NBAS: variants seen among roughly 807,000 people sequenced by gnomAD.
The protein encoded by NBAS is NBAS subunit of NRZ tethering complex.
Under a neutral mutation model 302.5 loss-of-function variants are expected in NBAS, and 219 were observed. The ratio of observed to expected loss-of-function variants is 0.72; its 90% CI spans 0.65 to 0.81. NBAS has a LOEUF of 0.81. Ranked by LOEUF, NBAS falls within the 30% of genes least tolerant of loss-of-function variation. The probability of loss-of-function intolerance (pLI) is 0.00; values close to 1 mark genes in which losing one functional copy is unlikely to be tolerated. For synonymous variants in NBAS, 1,118 were observed against 1,021.6 expected, an observed-to-expected ratio of 1.09 and a Z score of -1.80; for missense variants, 2,932 against 2,841.6, an observed-to-expected ratio of 1.03 and a Z score of -0.72.
At chr2:15,392,257 A>G (rs1278358042) in intron 28 of NBAS, among the ~76,000 whole-genome samples, 1 of 151,898 alleles carries the variant, frequency 6.6e-6, no homozygotes, top group African/African-American at 2.4e-5. Flanking sequence ...CAACAAAAAA[A>G]AAAGCTTGGA....
At chr2:15,214,544 G>C (rs1666567743) in intron 48 of NBAS, among the ~76,000 whole-genome samples, 1 of 152,282 alleles carries the variant, frequency 6.6e-6, no homozygotes, top group African/African-American at 2.4e-5. Flanking sequence ...CTAGTTCTAG[G>C]AATCTGTGAT....
rs775111492 is a variant in NBAS at position 15,186,859 on chromosome 2, C to T, written c.6594G>A (p.Val2198=). 3.7e-6 allele frequency: 6 copies of T among 1,613,856 alleles called. No homozygotes were observed. In the East Asian group the frequency reaches 1.3e-4, roughly 36 times the overall value. The part of the protein sequence containing the change: ...SEYVITNNPW[V]RLATVMLTRC... ...TGGTTAGCATCACTGTAGCTAGTCT[C>T]ACCCATGGATTATTGGTTATGCTGG... The change falls in exon 50 of 52, where the codon GTG becomes GTA. Residue 2198 remains valine (V), a synonymous_variant. Coordinates refer to ENST00000281513, the MANE Select transcript of NBAS (RefSeq NM_015909.4).
chr2:14,843,818 G>A, the NBAS span, among the ~76,000 whole-genome samples: 21 of 152,228 alleles, frequency 1.4e-4, no homozygotes, highest in African/African-American at 4.1e-4. Context: ...CTATCACAGC[G>A]GAAAGCAAAA....
chr2:15,244,167 A>G (rs896522888), intron 44 of NBAS, among the ~76,000 whole-genome samples: 2 of 152,248 alleles, frequency 1.3e-5, no homozygotes, highest in Admixed American at 6.5e-5. Context: ...CTACGGGCAC[A>G]TGACACTAAC....
the NBAS span, among the ~76,000 whole-genome samples, chr2:14,951,646 A>G: frequency 6.6e-6 from 1 of 152,216 alleles, no homozygotes; most frequent in South Asian, 2.1e-4. Flanking sequence ...CCTCATTAGA[A>G]AGGAATAAAA....
Position 15,275,837 on chromosome 2 carries a change from A to C in NBAS, c.5390-19T>G. ...TTAAGACCTAGCAGAAAAAAAAAGA[A>C]AGTAGGTAAGTGGTTCATTCCAATG... On this transcript the variant is annotated intron_variant, in intron 43 of 51. Transcript: ENST00000281513. 1 of 1,601,070 alleles carries C rather than the reference A, an allele frequency of 6.2e-7. No individual in the cohort carries two copies. The highest frequency in any genetic ancestry group is 1.7e-4 in the Middle Eastern group (1 of 6,040).
At chr2:15,546,902 G>C (rs1664144377) in intron 6 of NBAS, among the ~76,000 whole-genome samples, 1 of 152,202 alleles carries the variant, frequency 6.6e-6, no homozygotes, top group Non-Finnish European at 1.5e-5. Context: ...TGCCCACCCA[G>C]CCACTGGAGG....
chr2:14,858,793 T>C, the NBAS span, among the ~76,000 whole-genome samples: 16 of 151,994 alleles, frequency 1.1e-4, no homozygotes, highest in Non-Finnish European at 2.1e-4. Context: ...AATTATTTGA[T>C]TGCACATTTT....
the NBAS span, among the ~76,000 whole-genome samples, chr2:14,790,462 G>A: frequency 1.3e-5 from 2 of 152,102 alleles, no homozygotes; most frequent in South Asian, 4.1e-4. Flanking sequence ...AGCCAAAACT[G>A]TACTCTGAAA....
intron 51 of NBAS, among the ~76,000 whole-genome samples, chr2:15,176,552 C>T (rs1198023681): frequency 6.6e-6 from 1 of 152,044 alleles, no homozygotes; most frequent in African/African-American, 2.4e-5. Context: ...TGTCAGCAAC[C>T]GGGTCATAAT....
the NBAS span, among the ~76,000 whole-genome samples, chr2:15,103,168 T>C: frequency 1.3e-5 from 2 of 152,112 alleles, no homozygotes; most frequent in East Asian, 3.8e-4. Flanking sequence ...ACAACCATGT[T>C]TTTAAGTCTC....
chr2:15,240,357 C>T (rs1667805828), intron 44 of NBAS, among the ~76,000 whole-genome samples: 1 of 149,292 alleles, frequency 6.7e-6, no homozygotes, highest in Admixed American at 6.8e-5. Flanking sequence ...CATCCCAGGA[C>T]TTTGGGAGGC....
At chr2:15,420,621 G>A (rs1326329040) in intron 23 of NBAS, among the ~76,000 whole-genome samples, 7 of 152,262 alleles carry the variant, frequency 4.6e-5, no homozygotes, top group African/African-American at 7.2e-5. Context: ...AGAAAGCCAC[G>A]CTAAGCAGGG....
chr2:15,324,111 C>T (rs934689121), intron 38 of NBAS, among the ~76,000 whole-genome samples: 1 of 152,012 alleles, frequency 6.6e-6, no homozygotes. Flanking sequence ...TGAGTGAAGG[C>T]GCACATCAGG....
the NBAS span, among the ~76,000 whole-genome samples, chr2:14,829,934 G>T: frequency 2.0e-5 from 3 of 152,124 alleles, no homozygotes; most frequent in African/African-American, 7.2e-5. Flanking sequence ...AAGACATATT[G>T]GTTAAATTTC....
At chr2:14,812,999 G>T in the NBAS span, among the ~76,000 whole-genome samples, 2 of 152,076 alleles carry the variant, frequency 1.3e-5, no homozygotes, top group Admixed American at 6.6e-5. Flanking sequence ...TCTCTTACCT[G>T]CCACTATATG....
Position 15,408,185 on chromosome 2 carries a change from C to T in NBAS, c.2938-5884G>A, listed in dbSNP as rs540148514. 1.1e-4 allele frequency among the ~76,000 whole-genome samples: 17 copies of T among 152,246 alleles called. No individual in the cohort carries two copies. The East Asian group carries it at 3.3e-3, about 29-fold the overall frequency. ...ATTAGGACATGGACACTTTGGGAGGCCATTATTCTACCTACCACATGTGCT... is the reference window on the plus strand; with the variant it reads ...ATTAGGACATGGACACTTTGGGAGGTCATTATTCTACCTACCACATGTGCT... On this transcript the variant is annotated intron_variant, in intron 25 of 51. Transcript: ENST00000281513.
intron 30 of NBAS, among the ~76,000 whole-genome samples, chr2:15,375,135 T>C (rs966141792): frequency 8.5e-5 from 13 of 152,176 alleles, no homozygotes; most frequent in African/African-American, 3.1e-4. Context: ...ATGTCTTGAT[T>C]TGGTCACAAT....
the NBAS span, among the ~76,000 whole-genome samples, chr2:14,901,396 T>G: frequency 6.6e-6 from 1 of 151,866 alleles, no homozygotes; most frequent in African/African-American, 2.4e-5. Flanking sequence ...GAAAATTTGA[T>G]TATTCTTCAG....
Sources: allele counts gnomAD v4.1 joint callset (sites outside exome capture counted in the v4.1 genomes callset), GRCh38; gene constraint gnomAD v4.1.1; transcripts MANE v1.5; gene names NCBI Gene and HGNC (gene_info 2026-07-23, HGNC 2026-07-21).